PLCL2: variants seen among roughly 807,000 people sequenced by gnomAD.
PLCL2 encodes phospholipase C like 2.
Under a neutral mutation model 79.6 loss-of-function variants are expected in PLCL2, and 4 were observed. The ratio of observed to expected loss-of-function variants is 0.05; its 90% confidence interval spans 0.02 to 0.11. PLCL2 has a LOEUF of 0.11. Among genes scored for constraint, PLCL2 ranks in the 10% least tolerant of loss-of-function variants. The pLI is 1.00. For missense variants in PLCL2, 895 were observed against 1,291.0 expected, an observed-to-expected ratio of 0.69 and a Z score of 4.70; for synonymous variants, 484 against 457.7, an observed-to-expected ratio of 1.06 and a Z score of -0.73.
intron 1 of PLCL2, among the ~76,000 whole-genome samples, chr3:16,970,052 A>AT (rs1222156599): frequency 1.4e-5 from 2 of 138,450 alleles, no homozygotes; most frequent in Admixed American, 7.5e-5. Flanking sequence ...ATATATATAT[A>AT]TATATATTTT....
At chr3:16,925,687 G>T (rs183298749) in intron 1 of PLCL2, among the ~76,000 whole-genome samples, 5 of 152,282 alleles carry the variant, frequency 3.3e-5, no homozygotes, top group African/African-American at 4.8e-5. Context: ...GTTCATCCAT[G>T]TTGCAGCATG....
chr3:17,002,141 A>G (rs2064218101), intron 1 of PLCL2, among the ~76,000 whole-genome samples: 1 of 152,094 alleles, frequency 6.6e-6, no homozygotes, highest in Non-Finnish European at 1.5e-5. Flanking sequence ...CTATTGGCAT[A>G]TAGTAATGAT....
At chr3:17,027,079 A>G (rs550519651) in intron 3 of PLCL2, among the ~76,000 whole-genome samples, 2 of 152,252 alleles carry the variant, frequency 1.3e-5, no homozygotes, top group South Asian at 4.1e-4. Context: ...TGTCCAACAT[A>G]TATCGTAATA....
intron 1 of PLCL2, among the ~76,000 whole-genome samples, chr3:16,969,363 C>G (rs2124977207): frequency 6.6e-6 from 1 of 151,992 alleles, no homozygotes; most frequent in East Asian, 1.9e-4. Context: ...CTGTGAATCT[C>G]TCTGGTCCTG....
rs1271674391 is a variant in PLCL2, at chr3:17,009,496, C to T, written c.328-178C>T. Among the ~76,000 whole-genome samples the T allele has an allele frequency of 6.6e-6, 1 of 152,062 alleles. No homozygotes were observed. The highest frequency in any genetic ancestry group is 1.5e-5 in the Non-Finnish European group (1 of 68,012). ...TTCATACCTGTTGGTATTAGGCTGT[C>T]AACTGCAAGGCCAATTCTGAGCTTT... On this transcript the variant is annotated intron_variant, in intron 1 of 5. Transcript: ENST00000615277. The surrounding 1 kb of genome is among the most constrained non-coding windows in gnomAD (Gnocchi z 4.0).
chr3:16,998,659 A>G (rs935205205), intron 1 of PLCL2, among the ~76,000 whole-genome samples: 1 of 152,224 alleles, frequency 6.6e-6, no homozygotes, highest in Non-Finnish European at 1.5e-5. Flanking sequence ...TTTGCACTGG[A>G]CACAGATGTA....
Position 17,010,119 on chromosome 3 carries a change from A to G in PLCL2, c.773A>G (p.Asp258Gly). Residue 258 changes from aspartate to glycine, a missense_variant, in exon 2 of 6, where the codon GAT becomes GGT. Asp to Gly is a moderately conservative substitution (Grantham distance 94). This residue lies in a region of PLCL2 where 129 missense variants were observed against 208.8 expected (regional missense o/e 0.62). Coordinates refer to ENST00000615277, the MANE Select transcript of PLCL2 (RefSeq NM_001144382.2). The surrounding 1 kb of genome is among the most constrained non-coding windows in gnomAD (Gnocchi z 5.8). ...ATTTCTTATGGAAAACATACACTTG[A>G]TATGTTAGAAAGTAGCCAAGATAAC... is the stretch of plus-strand genomic sequence containing the variant. ...YLISYGKHTL[D>G]MLESSQDNMR... is the part of the protein sequence containing the mutation. The G allele has an allele frequency of 6.2e-7, 1 of 1,614,042 alleles. No individual in the cohort carries two copies. Among genetic ancestry groups the G allele is most frequent in the Non-Finnish European group, 8.5e-7 (1 of 1,179,924 alleles).
intron 1 of PLCL2, among the ~76,000 whole-genome samples, chr3:16,937,874 T>C (rs557678406): frequency 1.3e-5 from 2 of 152,294 alleles, no homozygotes; most frequent in South Asian, 4.1e-4. Flanking sequence ...TAGCAGCAAA[T>C]GTTGTACTTG....
chr3:16,965,984 A>G (rs190716978), intron 1 of PLCL2, among the ~76,000 whole-genome samples: 9 of 151,984 alleles, frequency 5.9e-5, no homozygotes, highest in Non-Finnish European at 1.2e-4. Context: ...TTGACTTCCT[A>G]TTTTCCTAAT....
chr3:16,925,479 C>A (rs1697225598), intron 1 of PLCL2, among the ~76,000 whole-genome samples: 2 of 152,090 alleles, frequency 1.3e-5, no homozygotes, highest in African/African-American at 4.8e-5. Flanking sequence ...AGTTATGCAA[C>A]CATTACCACT....
intron 1 of PLCL2, among the ~76,000 whole-genome samples, chr3:16,912,905 A>G (rs1275338222): frequency 6.6e-6 from 1 of 152,100 alleles, no homozygotes. Context: ...CATCTGTCCC[A>G]TTGTTTCTGA....
Position 17,011,906 on chromosome 3 carries a change from A to G in PLCL2, c.2560A>G (p.Thr854Ala), listed in dbSNP as rs1163280857. 4 of 1,614,228 alleles carry G rather than the reference A, an allele frequency of 2.5e-6. No homozygotes were observed. The highest frequency in any genetic ancestry group is 2.2e-5 in the South Asian group (2 of 91,090). The change falls in exon 2 of 6, where the codon ACG becomes GCG. Residue 854 changes from threonine to alanine, a missense_variant. Physicochemically the swap from Thr to Ala is moderately conservative, Grantham distance 58. This residue lies in a region of PLCL2 where 298 missense variants were observed against 459.6 expected (regional missense o/e 0.65). Coordinates refer to ENST00000615277, the MANE Select transcript of PLCL2 (RefSeq NM_001144382.2). The surrounding 1 kb of genome is among the most constrained non-coding windows in gnomAD (Gnocchi z 7.9). ...QYTIPFECLQ[T>A]GYRHVPLQSL... ...CACAATTCCCTTTGAATGTTTACAG[A>G]CGGGCTACCGCCATGTCCCCCTGCA...
chr3:17,048,838 C>A (rs1178467940), intron 4 of PLCL2, among the ~76,000 whole-genome samples: 1 of 152,160 alleles, frequency 6.6e-6, no homozygotes, highest in Non-Finnish European at 1.5e-5. Context: ...ATACCATAAA[C>A]CTTAAGTAAC....
intron 1 of PLCL2, among the ~76,000 whole-genome samples, chr3:16,945,193 C>G (rs2063588908): frequency 6.6e-6 from 1 of 152,036 alleles, no homozygotes; most frequent in Admixed American, 6.6e-5. Context: ...ATCTTCTCAG[C>G]AAGGCTTTAC....
chr3:17,078,445 GA>G (rs1174167079), intron 5 of PLCL2, among the ~76,000 whole-genome samples: 3 of 144,964 alleles, frequency 2.1e-5, no homozygotes, highest in African/African-American at 7.5e-5. Flanking sequence ...GGGTGGCTGG[GA>G]TGGCTGGGCT....
At chr3:17,050,951 T>C (rs1311158928) in intron 4 of PLCL2, among the ~76,000 whole-genome samples, 1 of 152,132 alleles carries the variant, frequency 6.6e-6, no homozygotes, top group African/African-American at 2.4e-5. Context: ...CACAATGGAG[T>C]GCTATTCAGC....
chr3:16,931,807 C>T (rs1225869320), intron 1 of PLCL2, among the ~76,000 whole-genome samples: 1 of 152,132 alleles, frequency 6.6e-6, no homozygotes, highest in Non-Finnish European at 1.5e-5. Flanking sequence ...ATAGGTAAGA[C>T]ACTAAGTTCT....
At chr3:16,937,299 T>C (rs1487253900) in intron 1 of PLCL2, among the ~76,000 whole-genome samples, 1 of 152,202 alleles carries the variant, frequency 6.6e-6, no homozygotes, top group Admixed American at 6.5e-5. Flanking sequence ...TAATTAAATT[T>C]CATAGCATTC....
intron 1 of PLCL2, among the ~76,000 whole-genome samples, chr3:16,966,126 C>T (rs2063803758): frequency 6.6e-6 from 1 of 151,092 alleles, no homozygotes; most frequent in African/African-American, 2.4e-5. Flanking sequence ...CCAGTTTTTG[C>T]CCATTCAGTA....
Sources: allele counts gnomAD v4.1 joint callset (sites outside exome capture counted in the v4.1 genomes callset), GRCh38; gene constraint gnomAD v4.1.1; regional missense constraint gnomAD v4.1.1; non-coding constraint Gnocchi (gnomAD v3.1); transcripts MANE v1.5; gene names NCBI Gene and HGNC (gene_info 2026-07-23, HGNC 2026-07-21).